The following CORO7 variants were observed in gnomAD, a reference collection of about 807,000 sequenced individuals.
CORO7 encodes the protein coronin-7.
A neutral mutation model predicts 126.6 loss-of-function variants in CORO7; 107 were observed. The observed-to-expected ratio is 0.85, with a 90% CI of 0.72 to 0.99. The LOEUF is 0.99. CORO7 is among the 50% of genes least tolerant of loss of function. CORO7 has a pLI of 0.00. For synonymous variants in CORO7, 603 were observed against 536.8 expected (o/e 1.12, Z -1.70); for missense variants, 1,314 against 1,255.8 (o/e 1.05, Z -0.70).
chr16:4,405,158 A>C (rs2055950265), intron 6 of CORO7, among the ~76,000 whole-genome samples: 1 of 152,204 alleles, frequency 6.6e-6, no homozygotes, highest in African/African-American at 2.4e-5. Context: ...CCTGCGGCCG[A>C]ATGCTGCTTA....
At chr16:4,375,734 T>C (rs2054698638) in intron 9 of CORO7, among the ~76,000 whole-genome samples, 1 of 152,222 alleles carries the variant, frequency 6.6e-6, no homozygotes, top group Non-Finnish European at 1.5e-5. Context: ...GTGATCGTCC[T>C]ACCTCGGCCT....
chr16:4,364,985 C>A lies in CORO7; in HGVS notation c.898+18G>T. 1.2e-6 allele frequency: 2 copies of A among 1,604,908 alleles called. No homozygotes were observed. Among genetic ancestry groups the A allele is most frequent in the Non-Finnish European group, 8.5e-7 (1 of 1,176,286 alleles). The stretch of plus-strand genomic sequence containing the variant: ...GGGAGGGGAGGGTAGGGGATGGGGG[C>A]GAGGAAGCAAGGCTTACCTGGGCTC... On this transcript the variant is annotated intron_variant, in intron 11 of 27. Transcript: ENST00000251166.
At chr16:4,374,427 A>G (rs2054646151) in intron 9 of CORO7, among the ~76,000 whole-genome samples, 2 of 151,978 alleles carry the variant, frequency 1.3e-5, no homozygotes, top group African/African-American at 2.4e-5. Context: ...GGGGCCAGTT[A>G]TTCTTCAGGG....
intron 1 of CORO7, 89 bp from the exon 2 acceptor site, chr16:4,413,493 G>A (rs1305215088): frequency 3.2e-6 from 4 of 1,248,218 alleles, no homozygotes; most frequent in African/African-American, 1.5e-5. Flanking sequence ...ATAATCTGGG[G>A]AACTCTAGCT....
At chr16:4,387,958 C>G in intron 9 of CORO7, 28 bp downstream of exon 9, 2 of 1,611,368 alleles carry the variant, frequency 1.2e-6, no homozygotes, top group Non-Finnish European at 1.7e-6. Context: ...ATCAGCCCCC[C>G]AGCCCACCTG....
chr16:4,357,869 A>T, intron 25 of CORO7, 99 bp downstream of exon 25: 1 of 1,515,862 alleles, frequency 6.6e-7, no homozygotes, highest in Non-Finnish European at 8.9e-7. Context: ...AGGCCAGAGG[A>T]TTCTGCGTGC....
intron 19 of CORO7, 115 bp downstream of exon 19, chr16:4,360,828 C>T (rs2054150073): frequency 6.6e-7 from 1 of 1,512,782 alleles, no homozygotes; most frequent in Non-Finnish European, 8.8e-7. Context: ...CTCCTCGCTG[C>T]TGGTCCTGCC....
intron 9 of CORO7, among the ~76,000 whole-genome samples, chr16:4,377,116 T>C (rs944761766): frequency 6.6e-6 from 1 of 152,050 alleles, no homozygotes; most frequent in Admixed American, 6.5e-5. Context: ...CCTATGCCAG[T>C]TACTGTGCCA....
intron 6 of CORO7, among the ~76,000 whole-genome samples, chr16:4,403,651 A>G (rs2055893424): frequency 6.6e-6 from 1 of 152,150 alleles, no homozygotes; most frequent in Admixed American, 6.5e-5. Context: ...GTAAGCAAGG[A>G]GAAGAGTGGC....
chr16:4,358,753 A>G, intron 23 of CORO7: 1 of 397,894 alleles, frequency 2.5e-6, no homozygotes, highest in Non-Finnish European at 4.5e-6. Context: ...TTGGGAAGAG[A>G]TGTAAATAGC....
intron 6 of CORO7, among the ~76,000 whole-genome samples, chr16:4,396,025 T>C (rs1402285447): frequency 7.2e-6 from 1 of 138,368 alleles, no homozygotes; most frequent in Non-Finnish European, 1.6e-5. Context: ...CAAACATTCA[T>C]GCATAAAGAA....
chr16:4,407,368 G>A, intron 5 of CORO7, 133 bp downstream of exon 5: 6 of 1,042,150 alleles, frequency 5.8e-6, no homozygotes, highest in Non-Finnish European at 6.8e-6. Flanking sequence ...AGAATCTTAA[G>A]ACTTTTATAC....
chr16:4,400,015 A>G (rs1251071086), intron 6 of CORO7, among the ~76,000 whole-genome samples: 1 of 152,224 alleles, frequency 6.6e-6, no homozygotes, highest in Non-Finnish European at 1.5e-5. Flanking sequence ...CAACATACAG[A>G]CAATGAAAAG....
At chr16:4,406,299 C>G (rs2055995984) in intron 5 of CORO7, among the ~76,000 whole-genome samples, 1 of 151,966 alleles carries the variant, frequency 6.6e-6, no homozygotes, top group African/African-American at 2.4e-5. Context: ...CGTGCCCGGC[C>G]TATTATTATT....
intron 7 of CORO7, among the ~76,000 whole-genome samples, chr16:4,392,535 T>C (rs2055431522): frequency 6.6e-6 from 1 of 152,162 alleles, no homozygotes; most frequent in Non-Finnish European, 1.5e-5. Context: ...GCGGACTCCC[T>C]GGCCCACTCT....
intron 1 of CORO7, chr16:4,415,972 C>A (rs1229564131): frequency 6.5e-6 from 5 of 772,566 alleles, no homozygotes; most frequent in Non-Finnish European, 7.9e-6. Context: ...GGCCGAGGGG[C>A]TCCCTCCCCA....
At chr16:4,399,269 T>C (rs908349121) in intron 6 of CORO7, among the ~76,000 whole-genome samples, 1 of 152,070 alleles carries the variant, frequency 6.6e-6, no homozygotes, top group East Asian at 1.9e-4. Context: ...ATAAACAAAA[T>C]GTGGTCTGCG....
In CORO7 at chr16:4,369,511, G is replaced by C. The variant is rs567634641; in HGVS notation, c.786-3966C>G. On this transcript the variant is annotated intron_variant, in intron 9 of 27. Coordinates refer to ENST00000251166, the MANE Select transcript of CORO7 (RefSeq NM_024535.5). ...AAAGTTATAGAAGGTCTAAAGCCCAGATCTGCCCCCGCCCCTCAGCCAGGT... is the reference window on the plus strand; with the variant it reads ...AAAGTTATAGAAGGTCTAAAGCCCACATCTGCCCCCGCCCCTCAGCCAGGT... 2.0e-5 allele frequency among the ~76,000 whole-genome samples: 3 copies of C among 152,340 alleles called. No homozygotes were observed. The East Asian group carries it at 5.8e-4, about 29-fold the overall frequency.
chr16:4,383,980 G>A (rs937576077), intron 9 of CORO7, among the ~76,000 whole-genome samples: 1 of 152,236 alleles, frequency 6.6e-6, no homozygotes, highest in Admixed American at 6.5e-5. Context: ...TCCCGGGAGA[G>A]CCAAGCGGTT....
Sources: gnomAD v4.1 joint callset for allele counts (sites outside exome capture counted in the v4.1 genomes callset) on GRCh38, gnomAD v4.1.1 for gene constraint, MANE v1.5 for transcripts, NCBI Gene and HGNC (gene_info 2026-07-23, HGNC 2026-07-21) for gene names.